NLGN4X: variants seen among roughly 807,000 people sequenced by gnomAD.
NLGN4X encodes the protein neuroligin 4 X-linked.
Under a neutral mutation model 40.3 loss-of-function variants are expected in NLGN4X, and 3 were observed. That is an observed-to-expected ratio of 0.07 (90% CI 0.03 to 0.19). NLGN4X has a LOEUF of 0.19. Ranked by LOEUF, NLGN4X falls within the 10% of genes least tolerant of loss-of-function variation. The pLI, the probability that NLGN4X is intolerant of heterozygous loss-of-function variation, is 1.00. For missense variants in NLGN4X, 382 were observed against 708.3 expected (o/e 0.54, Z 5.23); for synonymous variants, 270 against 306.8 (o/e 0.88, Z 1.25).
At chrX:6,153,138 G>A (rs1314628649) in intron 1 of NLGN4X, among the ~76,000 whole-genome samples, 1 of 111,790 alleles carries the variant, frequency 8.9e-6, no homozygotes, top group African/African-American at 3.2e-5. Flanking sequence ...GGGTTATTCA[G>A]AGCATCTGCA....
chrX:5,955,674 T>C (rs958520990), intron 3 of NLGN4X, among the ~76,000 whole-genome samples: 2 of 108,103 alleles, frequency 1.9e-5, no homozygotes, highest in Non-Finnish European at 3.8e-5. Context: ...TTAAGAAGTA[T>C]TTTTTTTTCA....
chrX:5,947,146 C>T (rs763438340), intron 3 of NLGN4X, among the ~76,000 whole-genome samples: 4 of 111,657 alleles, frequency 3.6e-5, no homozygotes, highest in African/African-American at 6.5e-5. Flanking sequence ...AACATATGTG[C>T]GCATGTGTCT....
chrX:6,222,190 C>A (rs775698129), intron 1 of NLGN4X, among the ~76,000 whole-genome samples: 1 of 110,881 alleles, frequency 9.0e-6, no homozygotes, highest in African/African-American at 3.3e-5. Flanking sequence ...TACAAACAAC[C>A]AAACAAAAAC....
At chrX:6,161,408 T>C (rs1453975661) in intron 1 of NLGN4X, among the ~76,000 whole-genome samples, 1 of 94,030 alleles carries the variant, frequency 1.1e-5, no homozygotes. Context: ...TATTATTCTA[T>C]ATATAATATA....
chrX:5,892,858 T>A lies in NLGN4X; in HGVS notation c.2410A>T (p.Ser804Cys). Residue 804 changes from serine (S) to cysteine (C), a missense_variant, in exon 6 of 6, where the codon AGT becomes TGT. Transcript: ENST00000381095. Reference sequence around the variant, plus strand: ...GAATGTCCGTGGGGTAAATTTGTACTGTTTTGTCCTCCACTGAAGGTGTTA... The same window carrying A: ...GAATGTCCGTGGGGTAAATTTGTACAGTTTTGTCCTCCACTGAAGGTGTTA... ...TFNTFSGGQNSTNLPHGHSTT... is the reference protein window; with the variant it reads ...TFNTFSGGQNCTNLPHGHSTT... The A allele has an allele frequency of 8.3e-7, 1 of 1,211,498 alleles. No individual in the cohort carries two copies. Among genetic ancestry groups the A allele is most frequent in the East Asian group, 3.0e-5 (1 of 33,815 alleles).
At chrX:6,023,362 T>C (rs2036602421) in intron 3 of NLGN4X, among the ~76,000 whole-genome samples, 1 of 112,473 alleles carries the variant, frequency 8.9e-6, no homozygotes. Context: ...CTTATCACAA[T>C]TGTGTATCTT....
intron 2 of NLGN4X, among the ~76,000 whole-genome samples, chrX:6,095,342 C>A (rs764114731): frequency 1.2e-4 from 13 of 111,384 alleles, no homozygotes; most frequent in Non-Finnish European, 2.1e-4. Flanking sequence ...AACAACAATG[C>A]CTCAAGCTGT....
At chrX:6,025,466 AT>A (rs2036665179) in intron 3 of NLGN4X, among the ~76,000 whole-genome samples, 1 of 112,229 alleles carries the variant, frequency 8.9e-6, no homozygotes, top group African/African-American at 3.2e-5. Context: ...GTCAGCTACA[AT>A]TCTTACTGTG....
chrX:6,151,121 C>T lies in NLGN4X; in HGVS notation c.346G>A (p.Glu116Lys). Residue 116 changes from glutamate (E) to lysine (K), a missense_variant, in exon 2 of 6, where the codon GAG (glutamate) becomes AAG (lysine). Glu to Lys is a moderately conservative substitution (Grantham distance 56). Around this residue, in one of 5 missense-constraint regions of NLGN4X, gnomAD observed 115 missense variants for 149.6 expected, o/e 0.77. Coordinates refer to ENST00000381095, the MANE Select transcript of NLGN4X (RefSeq NM_181332.3). ...FAAVCPQHLD[E>K]RSLLHDMLPI... ...AGCATGTCATGCAGTAAGGATCTCT[C>T]ATCCAGGTGCTGGGGGCACACAGCA... is the stretch of plus-strand genomic sequence containing the variant. The T allele has an allele frequency of 8.3e-7, 1 of 1,211,566 alleles. No homozygotes were observed.
At chrX:6,057,440 T>A (rs1165731595) in intron 2 of NLGN4X, among the ~76,000 whole-genome samples, 1 of 111,789 alleles carries the variant, frequency 8.9e-6, no homozygotes, top group Non-Finnish European at 1.9e-5. Flanking sequence ...AAAAACTGGG[T>A]AGAGATAAAA....
intron 2 of NLGN4X, among the ~76,000 whole-genome samples, chrX:6,115,345 G>A (rs940815153): frequency 3.6e-5 from 4 of 112,060 alleles, no homozygotes. Flanking sequence ...GATAACTCAT[G>A]CATCCTTTTT....
At chrX:6,079,830 C>T (rs1569225555) in intron 2 of NLGN4X, among the ~76,000 whole-genome samples, 1 of 111,619 alleles carries the variant, frequency 9.0e-6, no homozygotes, top group Non-Finnish European at 1.9e-5. Flanking sequence ...TGAGGAGATC[C>T]TAACTTCTAG....
chrX:6,057,761 T>C (rs2037668542), intron 2 of NLGN4X, among the ~76,000 whole-genome samples: 1 of 111,751 alleles, frequency 8.9e-6, no homozygotes, highest in Non-Finnish European at 1.9e-5. Flanking sequence ...CATTACATGA[T>C]GTAATCTAAG....
At chrX:6,129,680 T>C (rs752788294) in intron 2 of NLGN4X, among the ~76,000 whole-genome samples, 12 of 110,889 alleles carry the variant, frequency 1.1e-4, no homozygotes, top group African/African-American at 3.9e-4. Context: ...TTCATTTCCG[T>C]GGCAAAAAGA....
intron 1 of NLGN4X, among the ~76,000 whole-genome samples, chrX:6,155,201 G>A (rs12011830): frequency 0.26 from 28,177 of 110,443 alleles, 2,641 homozygotes; most frequent in Admixed American, 0.29. Flanking sequence ...TTCCAGCCAC[G>A]CTGAACGTCT....
At chrX:5,989,661 C>T (rs1274717460) in intron 3 of NLGN4X, among the ~76,000 whole-genome samples, 1 of 111,617 alleles carries the variant, frequency 9.0e-6, no homozygotes, top group African/African-American at 3.3e-5. Context: ...TTTTTAATAA[C>T]ACTTTAAAAA....
chrX:6,203,987 T>C (rs940537586), intron 1 of NLGN4X, among the ~76,000 whole-genome samples: 1 of 112,228 alleles, frequency 8.9e-6, no homozygotes, highest in Non-Finnish European at 1.9e-5. Context: ...GTAGTATAGG[T>C]ACTTTCATTT....
At chrX:6,223,275 G>A (rs1188300750) in intron 1 of NLGN4X, among the ~76,000 whole-genome samples, 1 of 110,632 alleles carries the variant, frequency 9.0e-6, no homozygotes, top group Non-Finnish European at 1.9e-5. Flanking sequence ...GTGGTGTATG[G>A]AGGTGTTCCG....
rs1195985132 is a variant in NLGN4X, at chrX:5,893,054, T to A, written c.2214A>T (p.Glu738Asp). 1 of 1,209,140 alleles carries A rather than the reference T, an allele frequency of 8.3e-7. No individual in the cohort carries two copies. Among genetic ancestry groups the A allele is most frequent in the African/African-American group, 1.8e-5 (1 of 56,850 alleles). Residue 738 changes from glutamate to aspartate, a missense_variant, in exon 6 of 6, where the codon GAA becomes GAT. Transcript: ENST00000381095. ...GCAGCGACTCACACTCGTGATCGTG[T>A]TCCAGCTGCTTCATCTGCAGAGACA... ...EIMSLQMKQL[E>D]HDHECESLQA...
Sources: gnomAD v4.1 joint callset for allele counts (sites outside exome capture counted in the v4.1 genomes callset) on GRCh38, gnomAD v4.1.1 for gene constraint, gnomAD v4.1.1 regional missense constraint, MANE v1.5 for transcripts, NCBI Gene and HGNC (gene_info 2026-07-23, HGNC 2026-07-21) for gene names.